EYS: variants seen among roughly 807,000 people sequenced by gnomAD.
The protein encoded by EYS is EGF-like photoreceptor maintenance factor, also known as protein eyes shut homolog.
EYS carries 250 observed loss-of-function variants against 282.1 expected under a neutral mutation model. That is an observed-to-expected ratio of 0.89 (90% CI 0.80 to 0.98). EYS has a LOEUF of 0.98. EYS is among the 50% of genes least tolerant of loss of function. The pLI, the probability that EYS is intolerant of heterozygous loss-of-function variation, is 0.00. For synonymous variants in EYS, 1,355 were observed against 1,282.9 expected (o/e 1.06, Z -1.20); for missense variants, 4,016 against 3,709.0 (o/e 1.08, Z -2.15).
At chr6:64,958,896 TCATTGGAG>T in intron 14 of EYS, among the ~76,000 whole-genome samples, 3 of 152,120 alleles carry the variant, frequency 2.0e-5, no homozygotes, top group Non-Finnish European at 4.4e-5. Context: ...AGACACACAA[TCATTGGAG>T]TGTAAATAAT....
intron 31 of EYS, among the ~76,000 whole-genome samples, chr6:64,155,701 GCGAACGATGTTGTGTAACATCTGAT>G (rs2150297543): frequency 6.6e-6 from 1 of 152,264 alleles, no homozygotes; most frequent in African/African-American, 2.4e-5. Flanking sequence ...TTGGGGTAAG[GCGAACGATGTTGTGTAACATCTGAT>G]CGTTTATTTA....
chr6:64,833,155 A>G (rs1334190058), intron 19 of EYS, among the ~76,000 whole-genome samples: 1 of 151,890 alleles, frequency 6.6e-6, no homozygotes, highest in East Asian at 1.9e-4. Flanking sequence ...CCACAATACT[A>G]TTTCACTTAT....
At chr6:64,072,102 A>C (rs371626789) in intron 32 of EYS, among the ~76,000 whole-genome samples, 3 of 152,040 alleles carry the variant, frequency 2.0e-5, no homozygotes, top group East Asian at 3.9e-4. Context: ...AAAGTAATAC[A>C]TAATAATAAA....
intron 19 of EYS, among the ~76,000 whole-genome samples, chr6:64,833,787 T>TA (rs962600316): frequency 4.0e-5 from 6 of 151,792 alleles, no homozygotes; most frequent in African/African-American, 9.7e-5. Flanking sequence ...CTTTTATAAT[T>TA]AAAAAAATGT....
chr6:63,768,948 T>A (rs909351729), intron 40 of EYS, among the ~76,000 whole-genome samples: 40 of 152,086 alleles, frequency 2.6e-4, no homozygotes, highest in African/African-American at 9.7e-4. Flanking sequence ...GAGGCCATTA[T>A]CTTAAGCAAA....
chr6:64,510,788 A>G (rs1777367212), intron 26 of EYS, among the ~76,000 whole-genome samples: 1 of 152,166 alleles, frequency 6.6e-6, no homozygotes, highest in Non-Finnish European at 1.5e-5. Flanking sequence ...TGCATCTCTC[A>G]CATATGTGTT....
At chr6:64,714,683 G>A (rs1471552480) in intron 22 of EYS, among the ~76,000 whole-genome samples, 1 of 151,684 alleles carries the variant, frequency 6.6e-6, no homozygotes, top group East Asian at 1.9e-4. Context: ...CTGCCACCAC[G>A]CCCAGCTAAT....
chr6:65,367,014 G>C (rs563440748), intron 8 of EYS, among the ~76,000 whole-genome samples: 1 of 151,522 alleles, frequency 6.6e-6, no homozygotes, highest in South Asian at 2.1e-4. Context: ...TTTATCTCAA[G>C]ATACTTATCT....
chr6:65,358,789 G>T (rs1216538907), intron 8 of EYS, among the ~76,000 whole-genome samples: 1 of 151,706 alleles, frequency 6.6e-6, no homozygotes, highest in Non-Finnish European at 1.5e-5. Flanking sequence ...ATTTCTATAA[G>T]AAAATAAAAA....
chr6:65,490,838 CG>C, intron 4 of EYS, 131 bp from the exon 5 acceptor site: 1 of 637,874 alleles, frequency 1.6e-6, no homozygotes, highest in Non-Finnish European at 2.9e-6. Flanking sequence ...CCATGTTATA[CG>C]ATGATGCATT....
intron 2 of EYS, among the ~76,000 whole-genome samples, chr6:65,535,298 C>A (rs1414870169): frequency 1.3e-5 from 2 of 152,072 alleles, no homozygotes; most frequent in South Asian, 2.1e-4. Flanking sequence ...AATTTTAGCT[C>A]CCATAATTCC....
At chr6:65,622,684 C>A (rs572479914) in intron 2 of EYS, among the ~76,000 whole-genome samples, 2 of 151,818 alleles carry the variant, frequency 1.3e-5, no homozygotes, top group Non-Finnish European at 2.9e-5. Flanking sequence ...AAGATTGTTG[C>A]ATTTCTTGAG....
intron 29 of EYS, among the ~76,000 whole-genome samples, chr6:64,362,013 A>T (rs1162472425): frequency 4.6e-5 from 7 of 151,788 alleles, no homozygotes; most frequent in Non-Finnish European, 1.0e-4. Flanking sequence ...AAAATTTTTA[A>T]TTTTGTTTAT....
chr6:64,707,751 TTA>T (rs1771081968), intron 22 of EYS, among the ~76,000 whole-genome samples: 1 of 151,376 alleles, frequency 6.6e-6, no homozygotes. Flanking sequence ...AAATCACCAC[TTA>T]TTTATGTAAC....
intron 30 of EYS, among the ~76,000 whole-genome samples, chr6:64,294,459 C>T (rs935213486): frequency 4.6e-5 from 7 of 152,190 alleles, no homozygotes; most frequent in African/African-American, 1.7e-4. Context: ...TTCTCAATAA[C>T]AGAACCTCAG....
chr6:64,825,113 G>C (rs952774265), intron 19 of EYS, among the ~76,000 whole-genome samples: 11 of 151,826 alleles, frequency 7.2e-5, no homozygotes, highest in Non-Finnish European at 1.3e-4. Context: ...TAGGCATGCT[G>C]TTCCTAAAAG....
At chr6:65,633,009 C>T (rs1452944731) in intron 2 of EYS, among the ~76,000 whole-genome samples, 1 of 152,036 alleles carries the variant, frequency 6.6e-6, no homozygotes, top group East Asian at 1.9e-4. Context: ...TGTCTATCTA[C>T]AGAAATTTAT....
intron 12 of EYS, among the ~76,000 whole-genome samples, chr6:65,279,800 T>C (rs1195974700): frequency 6.6e-6 from 1 of 152,206 alleles, no homozygotes; most frequent in Non-Finnish European, 1.5e-5. Context: ...ACATCTTGAT[T>C]GTTTACATCT....
intron 30 of EYS, among the ~76,000 whole-genome samples, chr6:64,264,829 C>T (rs1347715157): frequency 6.6e-6 from 1 of 151,900 alleles, no homozygotes; most frequent in Non-Finnish European, 1.5e-5. Context: ...TCTTGAACCT[C>T]GGAAGCTGAG....
Sources: allele counts gnomAD v4.1 joint callset (sites outside exome capture counted in the v4.1 genomes callset), GRCh38; gene constraint gnomAD v4.1.1; transcripts MANE v1.5; gene names NCBI Gene and HGNC (gene_info 2026-07-23, HGNC 2026-07-21).